PRKD1: variants seen among roughly 807,000 people sequenced by gnomAD.
PRKD1 encodes protein kinase D1.
A neutral mutation model predicts 95.9 loss-of-function variants in PRKD1; 63 were observed. That is an observed-to-expected ratio of 0.66 (90% CI 0.54 to 0.81). The LOEUF is 0.81. PRKD1 is among the 30% of genes least tolerant of loss of function. The pLI is 0.00. For synonymous variants in PRKD1, 425 were observed against 423.1 expected (o/e 1.00, Z -0.05); for missense variants, 1,048 against 1,165.3 (o/e 0.90, Z 1.47).
In PRKD1 at chr14:29,883,604, T is replaced by G. The variant is rs189686164; in HGVS notation, c.264+43645A>C. Reference sequence around the variant, plus strand: ...ACAAAGTGGCTCTTTTTAGCTACATTTAGAAGGAACTTACTTTGGGAAAAG... The same window carrying G: ...ACAAAGTGGCTCTTTTTAGCTACATGTAGAAGGAACTTACTTTGGGAAAAG... On this transcript the variant is annotated intron_variant, in intron 1 of 17. Transcript: ENST00000331968. 1.0e-3 allele frequency among the ~76,000 whole-genome samples: 159 copies of G among 152,312 alleles called. 1 individual carries two copies. The highest frequency in any genetic ancestry group is 1.6e-3 in the Admixed American group (24 of 15,284).
At chr14:29,660,160 A>G (rs1882111988) in intron 4 of PRKD1, among the ~76,000 whole-genome samples, 1 of 152,194 alleles carries the variant, frequency 6.6e-6, no homozygotes, top group Admixed American at 6.5e-5. Flanking sequence ...ATGTTTGCTG[A>G]AAAGACCATT....
intron 13 of PRKD1, among the ~76,000 whole-genome samples, chr14:29,612,423 T>C (rs889768212): frequency 2.0e-5 from 3 of 152,172 alleles, no homozygotes; most frequent in African/African-American, 7.2e-5. Flanking sequence ...AAAAATATGC[T>C]GGGAAATAAT....
In PRKD1 at chr14:29,576,657, T is replaced by G. The variant is rs1478840312; in HGVS notation, c.*581A>C. 1 of 163,404 alleles carries G rather than the reference T, an allele frequency of 6.1e-6. No homozygotes were observed. Among genetic ancestry groups the G allele is most frequent in the African/African-American group, 2.4e-5 (1 of 41,564 alleles). 10.1% of individuals were successfully genotyped at this position (163,404 alleles called of 1,614,324 possible). On this transcript the variant is annotated 3_prime_UTR_variant, in exon 18 of 18. Coordinates refer to ENST00000331968, the MANE Select transcript of PRKD1 (RefSeq NM_002742.3). Reference sequence around the variant, plus strand: ...GAGCACTAGGTCTTGCACAGCTAGGTGCATTGTCTTGAGTTTAAATATACT... The same window carrying G: ...GAGCACTAGGTCTTGCACAGCTAGGGGCATTGTCTTGAGTTTAAATATACT...
intron 1 of PRKD1, among the ~76,000 whole-genome samples, chr14:29,872,190 T>C (rs1893131173): frequency 6.6e-6 from 1 of 152,204 alleles, no homozygotes; most frequent in African/African-American, 2.4e-5. Flanking sequence ...AAACTGAATT[T>C]GAGGTTGTTT....
At chr14:29,671,853 A>G (rs771292005) in intron 2 of PRKD1, among the ~76,000 whole-genome samples, 3 of 152,204 alleles carry the variant, frequency 2.0e-5, no homozygotes, top group Non-Finnish European at 4.4e-5. Context: ...AAAAAGTAAC[A>G]GAAGAGTAAT....
At chr14:29,766,545 T>C (rs1392552980) in intron 1 of PRKD1, among the ~76,000 whole-genome samples, 1 of 152,210 alleles carries the variant, frequency 6.6e-6, no homozygotes, top group Non-Finnish European at 1.5e-5. Flanking sequence ...GCTGATAATA[T>C]GTTAATCAAT....
chr14:29,701,680 G>T (rs999807389), intron 2 of PRKD1, among the ~76,000 whole-genome samples: 1 of 152,004 alleles, frequency 6.6e-6, no homozygotes, highest in African/African-American at 2.4e-5. Context: ...CATATCATGA[G>T]CTCACAGATT....
intron 1 of PRKD1, among the ~76,000 whole-genome samples, chr14:29,790,602 T>C (rs1285700009): frequency 2.0e-5 from 3 of 152,190 alleles, no homozygotes; most frequent in African/African-American, 4.8e-5. Context: ...TCATTGCTCA[T>C]ATTTCTGTAA....
chr14:29,915,005 G>C (rs1012009443), intron 1 of PRKD1, among the ~76,000 whole-genome samples: 3 of 151,794 alleles, frequency 2.0e-5, no homozygotes, highest in African/African-American at 7.3e-5. Context: ...ATTACAGCAT[G>C]AGCCACCACG....
intron 13 of PRKD1, among the ~76,000 whole-genome samples, chr14:29,622,416 T>A (rs1391042679): frequency 7.2e-6 from 1 of 137,938 alleles, no homozygotes; most frequent in African/African-American, 3.1e-5. Flanking sequence ...TTATTATTTT[T>A]TTTTTTTTTA....
intron 1 of PRKD1, among the ~76,000 whole-genome samples, chr14:29,807,863 A>C (rs183214318): frequency 2.7e-3 from 408 of 151,524 alleles, no homozygotes; most frequent in Admixed American, 8.2e-3. Context: ...CTGGGATTAC[A>C]GGTGTGTGCC....
At chr14:29,677,230 A>G (rs1883282974) in intron 2 of PRKD1, among the ~76,000 whole-genome samples, 1 of 152,240 alleles carries the variant, frequency 6.6e-6, no homozygotes, top group Admixed American at 6.5e-5. Context: ...ACTTACTTTT[A>G]GTCAGATTCT....
At chr14:29,700,988 G>GCGCGCGCA (rs140824053) in intron 2 of PRKD1, among the ~76,000 whole-genome samples, 17 of 90,594 alleles carry the variant, frequency 1.9e-4, no homozygotes, top group Non-Finnish European at 2.3e-4. Context: ...GCGCGCGCGC[G>GCGCGCGCA]CACACACACA....
At chr14:29,590,490 G>T (rs375696884) in intron 16 of PRKD1, among the ~76,000 whole-genome samples, 2 of 152,060 alleles carry the variant, frequency 1.3e-5, no homozygotes, top group African/African-American at 4.8e-5. Context: ...TTATGAACTC[G>T]GTGGATGTGA....
rs377362728 is a variant in PRKD1 at position 29,684,259 on chromosome 14, T to C, written c.404-18051A>G. On this transcript the variant is annotated intron_variant, in intron 2 of 17. Coordinates refer to ENST00000331968, the MANE Select transcript of PRKD1 (RefSeq NM_002742.3). ...TCTGCCTCTTGGGTTCAAGCGATTCTCCTACCTCAGCCTCCCGAGTAGCTG... is the reference window on the plus strand; with the variant it reads ...TCTGCCTCTTGGGTTCAAGCGATTCCCCTACCTCAGCCTCCCGAGTAGCTG... 7.9e-5 allele frequency among the ~76,000 whole-genome samples: 12 copies of C among 151,598 alleles called. No individual in the cohort carries two copies. The East Asian group carries it at 1.8e-3, about 22-fold the overall frequency.
In PRKD1 at chr14:29,632,864, C is replaced by G. The variant is rs762261878; in HGVS notation, c.1392+5G>C. ...TGAAACTACAAAGAAAGAGCCCACT[C>G]TTACCTTGTAGTACCTGCTTCCTGT... is the stretch of plus-strand genomic sequence containing the variant. On this transcript the variant is annotated splice_donor_5th_base_variant and intron_variant, in intron 9 of 17. Coordinates refer to ENST00000331968, the MANE Select transcript of PRKD1 (RefSeq NM_002742.3). The G allele has an allele frequency of 6.2e-6, 10 of 1,605,632 alleles. No individual in the cohort carries two copies. Among genetic ancestry groups the G allele is most frequent in the African/African-American group, 1.3e-5 (1 of 74,842 alleles).
chr14:29,654,394 G>A (rs190309254), intron 4 of PRKD1, among the ~76,000 whole-genome samples: 165 of 152,118 alleles, frequency 1.1e-3, no homozygotes, highest in African/African-American at 3.6e-3. Flanking sequence ...GGCTGGTCTC[G>A]AACTTCTGGC....
At chr14:29,759,568 C>T (rs1887876536) in intron 1 of PRKD1, among the ~76,000 whole-genome samples, 1 of 152,140 alleles carries the variant, frequency 6.6e-6, no homozygotes, top group Admixed American at 6.5e-5. Context: ...ACATTCTTAG[C>T]AGTAGTTTAA....
In PRKD1 at chr14:29,599,705, C is replaced by T. The variant is rs761899671; in HGVS notation, c.2018G>A (p.Ser673Asn). 1.7e-5 allele frequency: 28 copies of T among 1,613,420 alleles called. No homozygotes were observed. The highest frequency in any genetic ancestry group is 2.2e-5 in the Non-Finnish European group (26 of 1,179,794). Reference sequence around the variant, plus strand: ...GTGCTCTGGCAACCTGCCCTTTTCACTTGACAAGATCATTTCCAGCATGTC... The same window carrying T: ...GTGCTCTGGCAACCTGCCCTTTTCATTTGACAAGATCATTTCCAGCATGTC... ...HGDMLEMILS[S>N]EKGRLPEHIT... The change falls in exon 14 of 18, where the codon AGT becomes AAT. Residue 673 changes from serine (S) to asparagine (N), a missense_variant. Ser to Asn is a conservative substitution (Grantham distance 46). Transcript: ENST00000331968.
Sources: allele counts gnomAD v4.1 joint callset (sites outside exome capture counted in the v4.1 genomes callset), GRCh38; gene constraint gnomAD v4.1.1; transcripts MANE v1.5; gene names NCBI Gene and HGNC (gene_info 2026-07-23, HGNC 2026-07-21).